The following PTPRK variants were observed in gnomAD, a reference collection of about 807,000 sequenced individuals.
The protein encoded by PTPRK is protein tyrosine phosphatase receptor type K, also known as receptor-type tyrosine-protein phosphatase kappa.
Under a neutral mutation model 178.0 loss-of-function variants are expected in PTPRK, and 75 were observed. That is an observed-to-expected ratio of 0.42 (90% CI 0.35 to 0.51). The LOEUF is 0.51. Among genes scored for constraint, PTPRK ranks in the 20% least tolerant of loss-of-function variants. The probability of loss-of-function intolerance (pLI) is 0.02; values close to 1 mark genes in which losing one functional copy is unlikely to be tolerated. For missense variants in PTPRK, 1,441 were observed against 1,797.8 expected (o/e 0.80, Z 3.59); for synonymous variants, 637 against 620.6 (o/e 1.03, Z -0.39).
At chr6:128,068,606 G>A (rs978419984) in intron 11 of PTPRK, among the ~76,000 whole-genome samples, 6 of 151,564 alleles carry the variant, frequency 4.0e-5, no homozygotes, top group Non-Finnish European at 7.4e-5. Context: ...AAGATCCCCC[G>A]GATATCTAAC....
chr6:128,322,944 C>T (rs1829030849), intron 2 of PTPRK, among the ~76,000 whole-genome samples: 1 of 152,058 alleles, frequency 6.6e-6, no homozygotes, highest in Non-Finnish European at 1.5e-5. Context: ...ATGCCTAGAG[C>T]TGAGGATCAG....
chr6:128,352,287 T>TA (rs1327474123), intron 2 of PTPRK, among the ~76,000 whole-genome samples: 6 of 146,186 alleles, frequency 4.1e-5, no homozygotes, highest in Non-Finnish European at 9.1e-5. Context: ...ATTCCATTAG[T>TA]AAAAATCACA....
chr6:128,226,186 C>A (rs924508086), intron 5 of PTPRK, among the ~76,000 whole-genome samples: 2 of 152,286 alleles, frequency 1.3e-5, no homozygotes. Flanking sequence ...CTTCTCAAAT[C>A]TCTACCTTTT....
intron 1 of PTPRK, among the ~76,000 whole-genome samples, chr6:128,511,855 C>T (rs1367215339): frequency 6.6e-6 from 1 of 152,138 alleles, no homozygotes; most frequent in South Asian, 2.1e-4. Context: ...TGGAGATGAT[C>T]CTCATCTTAA....
intron 2 of PTPRK, 151 bp downstream of exon 2, chr6:128,397,415 A>T (rs1840459634): frequency 6.3e-6 from 5 of 794,780 alleles, no homozygotes; most frequent in Non-Finnish European, 9.4e-6. Flanking sequence ...ATTAAGGGAA[A>T]GGCAAAGAAT....
At chr6:128,027,689 G>A (rs1455148125) in intron 13 of PTPRK, among the ~76,000 whole-genome samples, 1 of 152,030 alleles carries the variant, frequency 6.6e-6, no homozygotes, top group African/African-American at 2.4e-5. Flanking sequence ...CCTTCTCCTG[G>A]GTTCAAGCAA....
At chr6:128,109,655 T>C (rs1790316343) in intron 7 of PTPRK, among the ~76,000 whole-genome samples, 1 of 152,204 alleles carries the variant, frequency 6.6e-6, no homozygotes, top group South Asian at 2.1e-4. Flanking sequence ...GATCCATTCA[T>C]ACCTAGAGCT....
At chr6:128,398,162 A>G (rs1394240448) in intron 1 of PTPRK, among the ~76,000 whole-genome samples, 1 of 152,330 alleles carries the variant, frequency 6.6e-6, no homozygotes, top group Non-Finnish European at 1.5e-5. Flanking sequence ...TCAAGGGAAC[A>G]GTACGGAATC....
chr6:128,001,214 C>T, intron 15 of PTPRK: 1 of 1,533,348 alleles, frequency 6.5e-7, no homozygotes, highest in East Asian at 2.5e-5. Context: ...GGAACTTAAA[C>T]CCAATGAAGC....
At chr6:128,345,709 A>G (rs1368593383) in intron 2 of PTPRK, among the ~76,000 whole-genome samples, 1 of 152,226 alleles carries the variant, frequency 6.6e-6, no homozygotes, top group Non-Finnish European at 1.5e-5. Flanking sequence ...CTGGAGAGAT[A>G]ATATATGTGC....
At chr6:128,088,838 C>T (rs2115021363) in intron 8 of PTPRK, among the ~76,000 whole-genome samples, 1 of 152,268 alleles carries the variant, frequency 6.6e-6, no homozygotes, top group South Asian at 2.1e-4. Flanking sequence ...TAAAGAACAG[C>T]TTGCTAATGT....
intron 10 of PTPRK, among the ~76,000 whole-genome samples, chr6:128,080,363 T>C (rs1269390786): frequency 2.6e-5 from 4 of 151,922 alleles, no homozygotes; most frequent in Non-Finnish European, 5.9e-5. Context: ...GATACAAGAT[T>C]GCGAAAATAT....
chr6:128,156,534 A>G (rs1797979988), intron 7 of PTPRK, among the ~76,000 whole-genome samples: 1 of 151,950 alleles, frequency 6.6e-6, no homozygotes, highest in Admixed American at 6.6e-5. Flanking sequence ...ACAAGCAACC[A>G]GATCTTGTAA....
At chr6:128,040,892 A>G (rs1350630491) in intron 13 of PTPRK, among the ~76,000 whole-genome samples, 1 of 152,098 alleles carries the variant, frequency 6.6e-6, no homozygotes, top group Non-Finnish European at 1.5e-5. Context: ...TAAGAACTGG[A>G]ACAAGATTCC....
intron 3 of PTPRK, among the ~76,000 whole-genome samples, chr6:128,277,847 G>A (rs1409733048): frequency 6.6e-6 from 1 of 152,238 alleles, no homozygotes; most frequent in East Asian, 1.9e-4. Flanking sequence ...ACTTAAAACT[G>A]TTTGTTGAAT....
At chr6:128,014,300 C>G (rs1331860506) in intron 13 of PTPRK, among the ~76,000 whole-genome samples, 7 of 151,584 alleles carry the variant, frequency 4.6e-5, no homozygotes, top group Non-Finnish European at 8.9e-5. Context: ...CTGTCACCAC[C>G]TATCACCAAA....
At chr6:128,354,229 ATGT>A (rs1833601125) in intron 2 of PTPRK, among the ~76,000 whole-genome samples, 2 of 27,748 alleles carry the variant, frequency 7.2e-5, no homozygotes, top group African/African-American at 2.3e-4. Flanking sequence ...TTTTTTGTTT[ATGT>A]TTTTTTTTTT....
intron 1 of PTPRK, among the ~76,000 whole-genome samples, chr6:128,453,725 T>C (rs896019641): frequency 3.3e-5 from 5 of 152,144 alleles, no homozygotes; most frequent in Admixed American, 3.3e-4. Context: ...TAATAAGTAA[T>C]AAAACTTTGG....
chr6:128,429,153 ATG>A (rs1844521921), intron 1 of PTPRK, among the ~76,000 whole-genome samples: 1 of 152,212 alleles, frequency 6.6e-6, no homozygotes, highest in Non-Finnish European at 1.5e-5. Flanking sequence ...CACTTAGCTT[ATG>A]TGTGTGTCAA....
Sources: allele counts gnomAD v4.1 joint callset (sites outside exome capture counted in the v4.1 genomes callset), GRCh38; gene constraint gnomAD v4.1.1; transcripts MANE v1.5; gene names NCBI Gene and HGNC (gene_info 2026-07-23, HGNC 2026-07-21).